The following ROCK2 variants were observed in gnomAD, a reference collection of about 807,000 sequenced individuals.
The protein encoded by ROCK2 is rho-associated protein kinase 2.
In ROCK2, 61 loss-of-function variants were observed where a neutral mutation model predicts 195.1. The ratio of observed to expected loss-of-function variants is 0.31; its 90% CI spans 0.25 to 0.39. The LOEUF (loss-of-function observed/expected upper bound fraction) is 0.39. Ranked by LOEUF, ROCK2 falls within the 10% of genes least tolerant of loss-of-function variation. ROCK2 has a pLI of 1.00. For missense variants in ROCK2, 1,109 were observed against 1,637.4 expected (o/e 0.68, Z 5.57); for synonymous variants, 504 against 545.5 (o/e 0.92, Z 1.06).
At chr2:11,338,579 C>T (rs58258043) in intron 1 of ROCK2, among the ~76,000 whole-genome samples, 3,435 of 152,150 alleles carry the variant, frequency 0.023, 61 homozygotes, top group East Asian at 0.053. Context: ...AAGGACTGTG[C>T]GTCGTCGGAT....
chr2:11,218,841 T>C (rs752974383), intron 10 of ROCK2, 125 bp downstream of exon 10: 18 of 568,706 alleles, frequency 3.2e-5, no homozygotes, highest in Non-Finnish European at 5.4e-5. Flanking sequence ...TAAACTGTAT[T>C]ACACAAGGAA....
In ROCK2 at chr2:11,192,917, T is replaced by G. The variant is rs185835467; in HGVS notation, c.3688-205A>C. Among the ~76,000 whole-genome samples, 17 of 152,362 alleles carry G rather than the reference T, an allele frequency of 1.1e-4. No homozygotes were observed. The East Asian group carries it at 2.9e-3, about 26-fold the overall frequency. On this transcript the variant is annotated intron_variant, in intron 30 of 32. Transcript: ENST00000315872. This position sits in a 1 kb window ranked among gnomAD's most constrained non-coding sequence, Gnocchi z 5.0. ...AAGTCATCAGACAGTCACTTTGGTT[T>G]GCATTTCAAAAGAACTGATCCTGTT...
chr2:11,271,188 A>C (rs989662838), intron 3 of ROCK2, among the ~76,000 whole-genome samples: 1 of 152,212 alleles, frequency 6.6e-6, no homozygotes, highest in African/African-American at 2.4e-5. Flanking sequence ...CCTTGTTAAG[A>C]AGCAAATGCT....
intron 1 of ROCK2, among the ~76,000 whole-genome samples, chr2:11,289,184 T>A (rs917826981): frequency 6.6e-6 from 1 of 152,112 alleles, no homozygotes; most frequent in African/African-American, 2.4e-5. Flanking sequence ...AAATACATTT[T>A]AAAAAATCCA....
chr2:11,338,330 G>C (rs974945029), intron 1 of ROCK2, among the ~76,000 whole-genome samples: 5 of 152,154 alleles, frequency 3.3e-5, no homozygotes, highest in South Asian at 4.1e-4. Context: ...CTGAGCAAGA[G>C]AGCAAGATCT....
chr2:11,332,881 A>G (rs1428672997), intron 1 of ROCK2, among the ~76,000 whole-genome samples: 2 of 152,242 alleles, frequency 1.3e-5, no homozygotes, highest in African/African-American at 4.8e-5. Context: ...GATGAATGTC[A>G]AAAACATTAC....
chr2:11,212,571 G>A (rs189997873), intron 17 of ROCK2, among the ~76,000 whole-genome samples: 12 of 152,014 alleles, frequency 7.9e-5, no homozygotes, highest in Non-Finnish European at 1.3e-4. Context: ...TCCCTTAAAT[G>A]TTGGTGATCT....
intron 32 of ROCK2, among the ~76,000 whole-genome samples, chr2:11,190,301 T>G (rs967317158): frequency 1.3e-5 from 2 of 151,278 alleles, no homozygotes; most frequent in African/African-American, 4.9e-5. Flanking sequence ...ACCGTTGCTA[T>G]GACAAAATGT....
At chr2:11,194,758 CTTATTA>C (rs976578780) in intron 28 of ROCK2, among the ~76,000 whole-genome samples, 191 bp downstream of exon 28, 1 of 149,406 alleles carries the variant, frequency 6.7e-6, no homozygotes, top group African/African-American at 2.4e-5. Context: ...TAAAATCTGT[CTTATTA>C]TTAACAAGGT....
intron 3 of ROCK2, among the ~76,000 whole-genome samples, chr2:11,284,322 C>T (rs1163134163): frequency 6.6e-6 from 1 of 152,106 alleles, no homozygotes; most frequent in Admixed American, 6.5e-5. Context: ...TAACGATGGG[C>T]ATATATCATT....
intron 3 of ROCK2, among the ~76,000 whole-genome samples, chr2:11,258,166 T>G (rs1217908039): frequency 6.6e-6 from 1 of 151,416 alleles, no homozygotes. Flanking sequence ...TACTACTGCA[T>G]AGCCAGCCCA....
intron 1 of ROCK2, among the ~76,000 whole-genome samples, chr2:11,317,587 TATATATATATATATATATA>T (rs1668242416): frequency 2.4e-4 from 3 of 12,448 alleles, no homozygotes; most frequent in Non-Finnish European, 4.8e-4. Context: ...TATATATATA[TATATATATATATATATATA>T]TATATATTTT....
chr2:11,319,769 C>T (rs947075603), intron 1 of ROCK2, among the ~76,000 whole-genome samples: 9 of 151,608 alleles, frequency 5.9e-5, no homozygotes, highest in Non-Finnish European at 1.3e-4. Context: ...TTTTTAGATA[C>T]GTCCCATCTG....
intron 4 of ROCK2, among the ~76,000 whole-genome samples, chr2:11,240,219 C>T (rs1665374473): frequency 6.6e-6 from 1 of 152,176 alleles, no homozygotes; most frequent in African/African-American, 2.4e-5. Context: ...CAGCTAAAAG[C>T]CTTAATCTTC....
chr2:11,337,636 CTT>C (rs200442493), intron 1 of ROCK2, among the ~76,000 whole-genome samples: 7 of 143,116 alleles, frequency 4.9e-5, no homozygotes, highest in African/African-American at 5.1e-5. Flanking sequence ...CTGGCAGTTT[CTT>C]TTTTTTTTTT....
At chr2:11,260,364 C>T (rs1310124596) in intron 3 of ROCK2, among the ~76,000 whole-genome samples, 2 of 145,814 alleles carry the variant, frequency 1.4e-5, no homozygotes, top group African/African-American at 5.0e-5. Context: ...AGGAGAATTG[C>T]TTGAACCTGG....
At chr2:11,304,610 C>A (rs1230468343) in intron 1 of ROCK2, among the ~76,000 whole-genome samples, 1 of 152,212 alleles carries the variant, frequency 6.6e-6, no homozygotes, top group East Asian at 1.9e-4. Flanking sequence ...GCTGTCACTC[C>A]TCTGTTCAAA....
intron 4 of ROCK2, among the ~76,000 whole-genome samples, chr2:11,240,107 C>T (rs1665371092): frequency 1.3e-5 from 2 of 152,178 alleles, no homozygotes; most frequent in South Asian, 2.1e-4. Flanking sequence ...TCTATAAGGG[C>T]CCCATTACAC....
In ROCK2 at chr2:11,344,169, C is replaced by T; in HGVS notation, c.-33G>A. On this transcript the variant is annotated 5_prime_UTR_variant, in exon 1 of 33. Coordinates refer to ENST00000315872, the MANE Select transcript of ROCK2 (RefSeq NM_004850.5). This position sits in a 1 kb window ranked among gnomAD's most constrained non-coding sequence, Gnocchi z 5.4. ...CCGCTGGACCCGCACTCAGGCTCCT[C>T]GCGCTCAGGTCCCGCAGCCTCGGGG... 7.2e-7 allele frequency: 1 copy of T among 1,394,660 alleles called. No individual in the cohort carries two copies. The allele number at this position is 1,394,660 out of a possible 1,614,324, so 86.4% of individuals were successfully genotyped here.
Sources: gnomAD v4.1 joint callset for allele counts (sites outside exome capture counted in the v4.1 genomes callset) on GRCh38, gnomAD v4.1.1 for gene constraint, Gnocchi (gnomAD v3.1) non-coding constraint, MANE v1.5 for transcripts, NCBI Gene and HGNC (gene_info 2026-07-23, HGNC 2026-07-21) for gene names.